CLEC18A: variants seen among roughly 807,000 people sequenced by gnomAD.
The protein encoded by CLEC18A is C-type lectin domain family 18 member A.
A neutral mutation model predicts 24.0 loss-of-function variants in CLEC18A; 5 were observed. The observed-to-expected ratio is 0.21, with a 90% confidence interval of 0.11 to 0.44. CLEC18A has a LOEUF of 0.44. CLEC18A is among the 20% of genes least tolerant of loss of function. The pLI is 0.99. For synonymous variants in CLEC18A, 29 were observed against 100.1 expected (o/e 0.29, Z 4.24); for missense variants, 83 against 233.4 (o/e 0.36, Z 4.20).
upstream of CLEC18A, among the ~76,000 whole-genome samples, chr16:69,946,682 G>A (rs28806219): frequency 5.4e-5 from 8 of 147,304 alleles, no homozygotes; most frequent in South Asian, 2.2e-4. Flanking sequence ...GGGATTACAG[G>A]TGTCAGCCAC....
upstream of CLEC18A, among the ~76,000 whole-genome samples, chr16:69,945,788 T>C (rs1261026607): frequency 2.0e-5 from 3 of 152,246 alleles, no homozygotes; most frequent in Non-Finnish European, 4.4e-5. Flanking sequence ...GTGAAATCTG[T>C]CTCTACTAAA....
downstream of CLEC18A, among the ~76,000 whole-genome samples, chr16:69,965,477 C>A (rs1389517053): frequency 6.6e-6 from 1 of 151,518 alleles, no homozygotes; most frequent in African/African-American, 2.4e-5. Flanking sequence ...GACCCGGGCG[C>A]GCGCTGCCCG....
chr16:69,957,090 C>G (rs1175453577), intron 3 of CLEC18A, among the ~76,000 whole-genome samples: 1 of 151,352 alleles, frequency 6.6e-6, no homozygotes, highest in Non-Finnish European at 1.5e-5. Context: ...ACATTTAAAG[C>G]TATAAATTTC....
At chr16:69,950,242 G>C (rs139813358), upstream of CLEC18A, among the ~76,000 whole-genome samples, 1,629 of 126,468 alleles carry the variant, frequency 0.013, 440 homozygotes, top group Non-Finnish European at 0.02. Flanking sequence ...CTTCCACAGA[G>C]TTGGAACCCC....
chr16:69,957,380 C>A lies in CLEC18A; in HGVS notation c.457-1562C>A, dbSNP rs2059052750. On this transcript the variant is annotated intron_variant, in intron 3 of 11. Coordinates refer to ENST00000288040, the MANE Select transcript of CLEC18A (RefSeq NM_001370523.4). ...GTTTTGCCATGTTGGCCAGGCTGAT[C>A]TTGAACTTCTGAACTCACATGAGCC... Among the ~76,000 whole-genome samples the A allele has an allele frequency of 6.0e-5, 3 of 49,994 alleles. 1 individual carries two copies. Among genetic ancestry groups the A allele is most frequent in the South Asian group, 1.3e-3 (2 of 1,528 alleles). 32.8% of individuals were successfully genotyped at this position (49,994 alleles called of 152,430 possible).
At position 69,954,686 on chromosome 16, in the gene CLEC18A, A is replaced by G. The variant is rs2059009621; in HGVS notation, c.456+113A>G. 3 of 1,504,608 alleles carry G rather than the reference A, an allele frequency of 2.0e-6. No individual in the cohort carries two copies. The South Asian group carries it at 4.0e-5, about 20-fold the overall frequency. 93.2% of individuals were successfully genotyped at this position (1,504,608 alleles called of 1,614,324 possible). A position where few individuals can be genotyped will look rare whatever the true frequency, so the allele number is the denominator to read the frequency against. On this transcript the variant is annotated intron_variant, in intron 3 of 11. Coordinates refer to ENST00000288040, the MANE Select transcript of CLEC18A (RefSeq NM_001370523.4). ...AAATGTTGGGATTCCTTTTCCTCCA[A>G]TTGGTTTAGTTTTACTTTTTTTTTT...
chr16:69,944,501 C>T, the CLEC18A span, among the ~76,000 whole-genome samples: 1 of 151,914 alleles, frequency 6.6e-6, no homozygotes, highest in Admixed American at 6.6e-5. Flanking sequence ...TGAATAGCCA[C>T]TGCACTCCAG....
intron 3 of CLEC18A, 78 bp downstream of exon 3, chr16:69,954,651 A>C (rs1298251611): frequency 6.4e-7 from 1 of 1,571,590 alleles, no homozygotes; most frequent in South Asian, 1.2e-5. Flanking sequence ...AAGAGGCTAC[A>C]GTTTGTCCTA....
chr16:69,964,624 C>G (rs1252926625), downstream of CLEC18A, among the ~76,000 whole-genome samples: 27 of 151,220 alleles, frequency 1.8e-4, no homozygotes, highest in East Asian at 1.2e-3. Flanking sequence ...CTCAGCCTCC[C>G]GAGTAGCTGG....
chr16:69,950,312 A>T (rs2058931393), upstream of CLEC18A, among the ~76,000 whole-genome samples: 1 of 127,364 alleles, frequency 7.9e-6, no homozygotes, highest in Non-Finnish European at 1.9e-5. Flanking sequence ...AGGAGGACGT[A>T]GTTGGTTTGC....
chr16:69,946,245 G>A (rs554539184), upstream of CLEC18A, among the ~76,000 whole-genome samples: 464 of 134,774 alleles, frequency 3.4e-3, 18 homozygotes, highest in Non-Finnish European at 5.9e-3. Context: ...CTGCACTCCA[G>A]CCTGGACGAC....
the CLEC18A span, among the ~76,000 whole-genome samples, chr16:69,943,653 A>G: frequency 6.6e-6 from 1 of 151,748 alleles, no homozygotes; most frequent in Admixed American, 6.6e-5. Flanking sequence ...ATGGAACTCC[A>G]GGTGCATGCG....
chr16:69,944,177 TC>T, the CLEC18A span, among the ~76,000 whole-genome samples: 1 of 133,654 alleles, frequency 7.5e-6, no homozygotes, highest in African/African-American at 2.5e-5. Flanking sequence ...ATATCTATAA[TC>T]CCAGCTACTT....
At chr16:69,965,417 G>A (rs1280384277), downstream of CLEC18A, among the ~76,000 whole-genome samples, 2 of 152,038 alleles carry the variant, frequency 1.3e-5, no homozygotes, top group African/African-American at 2.4e-5. Flanking sequence ...CCGGGGCCAC[G>A]GCCGCAGCGC....
upstream of CLEC18A, among the ~76,000 whole-genome samples, chr16:69,945,767 T>C (rs2058909069): frequency 6.6e-6 from 1 of 152,260 alleles, no homozygotes. Flanking sequence ...AGTCTTCCCC[T>C]GGCCAACATG....
In CLEC18A at chr16:69,954,455, T is replaced by A. The variant is rs148782460; in HGVS notation, c.338T>A (p.Leu113Gln). The change falls in exon 3 of 12, where the codon CTA becomes CAA. Residue 113 changes from leucine (L) to glutamine (Q), a missense_variant. Transcript: ENST00000288040. ...CAAGTGGGCTGGAACATGCAGCTGC[T>A]ACCCGCGGGCTTGGTGTCCTTTGTC... ...TLQVGWNMQL[L>Q]PAGLVSFVEV... The A allele has an allele frequency of 3.5e-4, 561 of 1,590,190 alleles. 35 individuals carry two copies. Among genetic ancestry groups the A allele is most frequent in the South Asian group, 2.7e-3 (240 of 89,950 alleles).
chr16:69,965,429 C>T (rs866896283), downstream of CLEC18A, among the ~76,000 whole-genome samples: 74 of 152,106 alleles, frequency 4.9e-4, no homozygotes, highest in Middle Eastern at 3.4e-3. Flanking sequence ...CCGCAGCGCC[C>T]GGAGGGGCCG....
At chr16:69,955,413 T>G (rs2059021496) in intron 3 of CLEC18A, among the ~76,000 whole-genome samples, 1 of 151,048 alleles carries the variant, frequency 6.6e-6, no homozygotes, top group Non-Finnish European at 1.5e-5. Context: ...TGCAATGGCT[T>G]GATCTCGGTT....
At chr16:69,958,690 C>A (rs1364963484) in intron 3 of CLEC18A, among the ~76,000 whole-genome samples, 2 of 89,528 alleles carry the variant, frequency 2.2e-5, no homozygotes, top group Admixed American at 1.1e-4. Context: ...CAAGATCAGG[C>A]CATTGCACTC....
Sources: gnomAD v4.1 joint callset for allele counts (sites outside exome capture counted in the v4.1 genomes callset) on GRCh38, gnomAD v4.1.1 for gene constraint, MANE v1.5 for transcripts, NCBI Gene and HGNC (gene_info 2026-07-23, HGNC 2026-07-21) for gene names.